OXR1: variants seen among roughly 807,000 people sequenced by gnomAD.
OXR1 encodes the protein oxidation resistance protein 1.
OXR1 carries 41 observed loss-of-function variants against 104.6 expected under a neutral mutation model. That is an observed-to-expected ratio of 0.39 (90% CI 0.31 to 0.51). The LOEUF (loss-of-function observed/expected upper bound fraction) is 0.51. Ranked by LOEUF, OXR1 falls within the 20% of genes least tolerant of loss-of-function variation. OXR1 has a pLI of 0.77. For synonymous variants in OXR1, 348 were observed against 348.4 expected (o/e 1.00, Z 0.01); for missense variants, 955 against 1,031.9 (o/e 0.93, Z 1.02).
At chr8:106,509,479 A>C (rs914165717) in intron 2 of OXR1, among the ~76,000 whole-genome samples, 9 of 152,244 alleles carry the variant, frequency 5.9e-5, no homozygotes, top group African/African-American at 2.2e-4. Flanking sequence ...GCTCCAAGGA[A>C]ACATGCTACA....
chr8:106,675,273 A>G (rs1440556303), intron 3 of OXR1, among the ~76,000 whole-genome samples: 1 of 152,186 alleles, frequency 6.6e-6, no homozygotes, highest in Non-Finnish European at 1.5e-5. Flanking sequence ...ACAAATCAAT[A>G]CAAATATACA....
chr8:106,309,001 CAG>C (rs1813584797), intron 1 of OXR1, among the ~76,000 whole-genome samples: 1 of 149,770 alleles, frequency 6.7e-6, no homozygotes, highest in African/African-American at 2.5e-5. Context: ...TTTTTTGAGA[CAG>C]GGTCTTGCTC....
intron 3 of OXR1, among the ~76,000 whole-genome samples, chr8:106,541,800 G>C (rs545717692): frequency 6.6e-6 from 1 of 152,256 alleles, no homozygotes; most frequent in African/African-American, 2.4e-5. Context: ...GGGAATCTAG[G>C]GAGGAAGCAG....
intron 2 of OXR1, among the ~76,000 whole-genome samples, chr8:106,380,861 A>G (rs1281946319): frequency 2.0e-5 from 3 of 152,186 alleles, no homozygotes; most frequent in Admixed American, 2.0e-4. Flanking sequence ...GCAGGCCCTT[A>G]TCAGATATAT....
intron 3 of OXR1, among the ~76,000 whole-genome samples, chr8:106,622,246 C>T (rs1563649298): frequency 6.6e-6 from 1 of 152,034 alleles, no homozygotes; most frequent in Non-Finnish European, 1.5e-5. Flanking sequence ...CTCCTCGGTC[C>T]AAACACCATC....
At chr8:106,710,843 A>T (rs1392429278) in intron 10 of OXR1, 53 bp downstream of exon 10, 21 of 1,146,974 alleles carry the variant, frequency 1.8e-5, no homozygotes, top group Non-Finnish European at 2.2e-5. Flanking sequence ...TTTGAACTAA[A>T]ATTATTTTGT....
Position 106,528,652 on chromosome 8 carries a change from C to T in OXR1, c.220+9513C>T, listed in dbSNP as rs1353230052. On this transcript the variant is annotated intron_variant, in intron 3 of 16. Transcript: ENST00000517566. ...TTAAAATATCATCACATAACTTGTA[C>T]GCCTCTCATTTAATAAAAAAGATAA... Among the ~76,000 whole-genome samples, 5 of 152,128 alleles carry T rather than the reference C, an allele frequency of 3.3e-5. No homozygotes were observed. The South Asian group carries it at 6.2e-4, about 19-fold the overall frequency.
chr8:106,354,813 A>G (rs1005841148), intron 1 of OXR1, among the ~76,000 whole-genome samples: 1 of 152,164 alleles, frequency 6.6e-6, no homozygotes, highest in African/African-American at 2.4e-5. Context: ...TTGCTTAAAT[A>G]AAATCACTTC....
At chr8:106,667,975 A>G (rs1003968256) in intron 3 of OXR1, among the ~76,000 whole-genome samples, 1 of 151,822 alleles carries the variant, frequency 6.6e-6, no homozygotes, top group Admixed American at 6.6e-5. Context: ...CTAAAAAAAA[A>G]AAAAAGAAAA....
intron 1 of OXR1, among the ~76,000 whole-genome samples, chr8:106,335,176 T>C (rs546075495): frequency 6.6e-6 from 1 of 152,296 alleles, no homozygotes; most frequent in South Asian, 2.1e-4. Context: ...CTCCCTCATC[T>C]ATGGTGCCTC....
chr8:106,567,360 A>C (rs949752598), intron 3 of OXR1, among the ~76,000 whole-genome samples: 1 of 152,182 alleles, frequency 6.6e-6, no homozygotes, highest in African/African-American at 2.4e-5. Context: ...AGATTCTCTG[A>C]AATTTTATCA....
chr8:106,407,661 AG>A (rs1818292697), intron 2 of OXR1, among the ~76,000 whole-genome samples: 1 of 152,222 alleles, frequency 6.6e-6, no homozygotes, highest in South Asian at 2.1e-4. Flanking sequence ...ATCTTTCAGC[AG>A]TACAAACTGT....
At chr8:106,344,485 G>A (rs1455788198) in intron 1 of OXR1, among the ~76,000 whole-genome samples, 5 of 151,990 alleles carry the variant, frequency 3.3e-5, no homozygotes, top group African/African-American at 4.8e-5. Context: ...CTACAGGCGC[G>A]TGCCACCATG....
chr8:106,515,241 G>C (rs2130073479), intron 2 of OXR1, among the ~76,000 whole-genome samples: 1 of 152,096 alleles, frequency 6.6e-6, no homozygotes, highest in Middle Eastern at 3.4e-3. Flanking sequence ...ATGATGTTTT[G>C]AAATATGTAT....
intron 1 of OXR1, among the ~76,000 whole-genome samples, chr8:106,326,214 G>A (rs1371154582): frequency 6.6e-6 from 1 of 152,196 alleles, no homozygotes; most frequent in Non-Finnish European, 1.5e-5. Flanking sequence ...CGTCCAAGAA[G>A]CATTCCCAAG....
chr8:106,366,431 C>T (rs549799644), intron 2 of OXR1, among the ~76,000 whole-genome samples: 2 of 152,246 alleles, frequency 1.3e-5, no homozygotes, highest in African/African-American at 2.4e-5. Flanking sequence ...ACCAGCAAAT[C>T]GTCTACGATA....
chr8:106,540,148 G>C (rs1197434571), intron 3 of OXR1, among the ~76,000 whole-genome samples: 1 of 152,050 alleles, frequency 6.6e-6, no homozygotes, highest in Non-Finnish European at 1.5e-5. Flanking sequence ...TTGTTCTTTG[G>C]GAGTGAACTG....
Position 106,359,509 on chromosome 8 carries a change from TG to T in OXR1, c.-104del, listed in dbSNP as rs1816149207. 2.6e-6 allele frequency: 2 copies of T among 783,020 alleles called. No individual in the cohort carries two copies. Among genetic ancestry groups the T allele is most frequent in the African/African-American group, 1.7e-5 (1 of 58,384 alleles). 48.5% of individuals were successfully genotyped at this position (783,020 alleles called of 1,614,324 possible). On this transcript the variant is annotated 5_prime_UTR_variant, in exon 2 of 17. Coordinates refer to ENST00000517566, the MANE Select transcript of OXR1 (RefSeq NM_001198533.2). ...AAACTGTGAGTAACTAAGTGGTTTG[TG>T]CATCATTCCAGAAGCAAAGCTAAAA...
chr8:106,505,794 A>G (rs75477567), intron 2 of OXR1, among the ~76,000 whole-genome samples: 8,185 of 152,318 alleles, frequency 0.054, 295 homozygotes, highest in African/African-American at 0.092. Context: ...GCCCAAGACT[A>G]TCAGGGCACT....
Sources: allele counts gnomAD v4.1 joint callset (sites outside exome capture counted in the v4.1 genomes callset), GRCh38; gene constraint gnomAD v4.1.1; transcripts MANE v1.5; gene names NCBI Gene and HGNC (gene_info 2026-07-23, HGNC 2026-07-21).